The following SRGAP3 variants were observed in gnomAD, a reference collection of about 807,000 sequenced individuals.
The protein encoded by SRGAP3 is SLIT-ROBO Rho GTPase activating protein 3, also known as SLIT-ROBO Rho GTPase-activating protein 3.
SRGAP3 carries 39 observed loss-of-function variants against 121.1 expected under a neutral mutation model. The ratio of observed to expected loss-of-function variants is 0.32; its 90% CI spans 0.25 to 0.42. SRGAP3 has a LOEUF of 0.42. Among genes scored for constraint, SRGAP3 ranks in the 10% least tolerant of loss-of-function variants. The probability of loss-of-function intolerance (pLI) is 1.00; values close to 1 mark genes in which losing one functional copy is unlikely to be tolerated. For missense variants in SRGAP3, 1,213 were observed against 1,470.6 expected (o/e 0.82, Z 2.86); for synonymous variants, 601 against 570.0 (o/e 1.05, Z -0.77).
chr3:9,096,074 AAAAC>A (rs1381349981), intron 3 of SRGAP3, among the ~76,000 whole-genome samples: 3 of 152,248 alleles, frequency 2.0e-5, no homozygotes, highest in Non-Finnish European at 4.4e-5. Context: ...CCATCTCAAA[AAAAC>A]AAACAAACAA....
Position 9,332,137 on chromosome 3 carries a change from T to TTC in SRGAP3, n.215-1542_215-1541insGA, listed in dbSNP as rs1955619552. On this transcript the variant is annotated intron_variant and non_coding_transcript_variant, in intron 1 of 3. Coordinates refer to the SRGAP3 transcript ENST00000490889. Reference sequence around the variant, plus strand: ...TGAGGTTATTATTATTATTATTATTTTGAGATGGAGTCTCACTCTGTCACA... The same window carrying TTC: ...TGAGGTTATTATTATTATTATTATTTTCTGAGATGGAGTCTCACTCTGTCACA... Among the ~76,000 whole-genome samples the TTC allele has an allele frequency of 6.1e-5, 8 of 131,742 alleles. 1 individual carries two copies. In the Admixed American group the frequency reaches 6.1e-4, roughly 10 times the overall value. 86.4% of individuals were successfully genotyped at this position (131,742 alleles called of 152,430 possible). A position where few individuals can be genotyped will look rare whatever the true frequency, so the allele number is the denominator to read the frequency against.
chr3:9,144,365 C>A (rs181738032), intron 1 of SRGAP3, among the ~76,000 whole-genome samples: 2 of 152,350 alleles, frequency 1.3e-5, no homozygotes, highest in East Asian at 3.9e-4. Context: ...ATACCAAGTT[C>A]TTTTCTGCCT....
intron 2 of SRGAP3, among the ~76,000 whole-genome samples, chr3:9,326,712 T>A (rs1426672777): frequency 1.3e-5 from 2 of 151,842 alleles, no homozygotes; most frequent in Non-Finnish European, 2.9e-5. Flanking sequence ...AATTGTATAT[T>A]TAAACAATTT....
chr3:9,080,294 G>A (rs1947178676), intron 3 of SRGAP3, among the ~76,000 whole-genome samples: 1 of 152,050 alleles, frequency 6.6e-6, no homozygotes, highest in South Asian at 2.1e-4. Flanking sequence ...CTTGCAGATG[G>A]GATTCCCTGA....
intron 4 of SRGAP3, among the ~76,000 whole-genome samples, chr3:9,077,541 A>T (rs1947029158): frequency 6.6e-6 from 1 of 152,140 alleles, no homozygotes. Flanking sequence ...TCCAAAGGAG[A>T]GAGCTAGGAC....
intron 8 of SRGAP3, 95 bp from the exon 9 acceptor site, chr3:9,053,319 T>C: frequency 1.6e-6 from 2 of 1,235,734 alleles, no homozygotes; most frequent in Non-Finnish European, 2.3e-6. Context: ...ACTTCTTCCA[T>C]ATGAAGTCCC....
At chr3:9,184,857 G>C (rs553956925) in intron 1 of SRGAP3, among the ~76,000 whole-genome samples, 1 of 152,188 alleles carries the variant, frequency 6.6e-6, no homozygotes, top group African/African-American at 2.4e-5. Context: ...GTATAAATCA[G>C]CTCAGAAGGT....
intron 18 of SRGAP3, among the ~76,000 whole-genome samples, chr3:9,005,136 G>A (rs963899115): frequency 1.3e-5 from 2 of 152,156 alleles, no homozygotes; most frequent in Non-Finnish European, 2.9e-5. Context: ...CAAAGGATCT[G>A]AAGAAAAATA....
intron 1 of SRGAP3, among the ~76,000 whole-genome samples, chr3:9,136,269 G>A (rs1018729787): frequency 2.0e-5 from 3 of 152,210 alleles, no homozygotes; most frequent in African/African-American, 7.2e-5. Flanking sequence ...TGTACACCGA[G>A]AGGCGGCTTC....
At chr3:9,152,616 A>ACGAGCAGTGTGGCCTCCATTCC (rs1950251632) in intron 1 of SRGAP3, among the ~76,000 whole-genome samples, 1 of 152,186 alleles carries the variant, frequency 6.6e-6, no homozygotes, top group Non-Finnish European at 1.5e-5. Context: ...CCCCTGAGAG[A>ACGAGCAGTGTGGCCTCCATTCC]CGAGCAGTGT....
rs2125292882 is a variant in SRGAP3, at chr3:9,347,254, C to A, written n.214+15586G>T. On this transcript the variant is annotated intron_variant and non_coding_transcript_variant, in intron 1 of 3. Coordinates refer to the SRGAP3 transcript ENST00000490889. ...GATCATGGCTCACTGCAACCTCAAT[C>A]TTTCGGATTTAGGCGAGAGATTCAG... Among the ~76,000 whole-genome samples, 3 of 152,304 alleles carry A rather than the reference C, an allele frequency of 2.0e-5. 1 individual carries two copies. The South Asian group carries it at 6.2e-4, about 32-fold the overall frequency.
At chr3:9,033,835 A>T (rs1243180196) in intron 11 of SRGAP3, 1 of 152,276 alleles carries the variant, frequency 6.6e-6, no homozygotes, top group African/African-American at 2.4e-5. Flanking sequence ...CCTCCTGTGA[A>T]GGAGAACTGA....
At chr3:9,045,719 G>T (rs1945236938) in intron 10 of SRGAP3, among the ~76,000 whole-genome samples, 1 of 152,166 alleles carries the variant, frequency 6.6e-6, no homozygotes, top group Non-Finnish European at 1.5e-5. Context: ...GCGTGGGCAG[G>T]CCACTGCACC....
chr3:9,242,575 C>T (rs1301484613), intron 1 of SRGAP3, among the ~76,000 whole-genome samples: 1 of 152,228 alleles, frequency 6.6e-6, no homozygotes, highest in Non-Finnish European at 1.5e-5. Context: ...GTGGAGGTTG[C>T]AGTGAGCCAA....
chr3:9,125,019 T>A, intron 1 of SRGAP3, 102 bp from the exon 2 acceptor site: 1 of 1,355,744 alleles, frequency 7.4e-7, no homozygotes, highest in Admixed American at 1.8e-5. Context: ...GGCAGCTCCC[T>A]CCTAACACCA....
At chr3:8,998,255 A>G (rs1006811172) in intron 18 of SRGAP3, among the ~76,000 whole-genome samples, 6 of 152,036 alleles carry the variant, frequency 3.9e-5, no homozygotes, top group Non-Finnish European at 8.8e-5. Flanking sequence ...TGTACTTCCT[A>G]TTGCTTCTCC....
In SRGAP3 at chr3:9,075,397, G is replaced by A. The variant is rs557982712; in HGVS notation, c.486+4628C>T. Among the ~76,000 whole-genome samples, 1,103 of 151,002 alleles carry A rather than the reference G, an allele frequency of 7.3e-3. 16 individuals carry two copies. The highest frequency in any genetic ancestry group is 0.024 in the African/African-American group (1,001 of 41,254). On this transcript the variant is annotated intron_variant, in intron 4 of 21. Transcript: ENST00000383836. ...CAAGTGTGTGTGTGTGTGTGCGCGC[G>A]CACATATGTGCATAAACACCCATGC...
At chr3:9,177,091 T>C (rs1055248499) in intron 1 of SRGAP3, among the ~76,000 whole-genome samples, 2 of 152,152 alleles carry the variant, frequency 1.3e-5, no homozygotes, top group African/African-American at 4.8e-5. Context: ...TCTAGGGAAG[T>C]GTATGCAACT....
intron 3 of SRGAP3, among the ~76,000 whole-genome samples, chr3:9,285,485 A>G (rs543653113): frequency 1.8e-5 from 2 of 112,006 alleles, no homozygotes; most frequent in South Asian, 6.4e-4. Context: ...TACCTGGAGG[A>G]AAAAAAATGT....
Sources: allele counts gnomAD v4.1 joint callset (sites outside exome capture counted in the v4.1 genomes callset), GRCh38; gene constraint gnomAD v4.1.1; transcripts MANE v1.5; gene names NCBI Gene and HGNC (gene_info 2026-07-23, HGNC 2026-07-21).